ZNF451: variants seen among roughly 807,000 people sequenced by gnomAD.
ZNF451 encodes the protein zinc finger protein 451.
A neutral mutation model predicts 107.1 loss-of-function variants in ZNF451; 80 were observed. The observed-to-expected ratio is 0.75, with a 90% confidence interval of 0.62 to 0.90. The LOEUF (loss-of-function observed/expected upper bound fraction) is 0.90. Among genes scored for constraint, ZNF451 ranks in the 40% least tolerant of loss-of-function variants. The pLI is 0.00. For missense variants in ZNF451, 1,107 were observed against 1,236.2 expected, an observed-to-expected ratio of 0.90 and a Z score of 1.57; for synonymous variants, 362 against 406.5, an observed-to-expected ratio of 0.89 and a Z score of 1.32.
intron 2 of ZNF451, among the ~76,000 whole-genome samples, chr6:57,098,472 A>G (rs1351249996): frequency 6.6e-6 from 1 of 150,466 alleles, no homozygotes; most frequent in Non-Finnish European, 1.5e-5. Flanking sequence ...TGCTCTCCAT[A>G]CTCCTCTATG....
chr6:57,105,636 G>A (rs1829817223), intron 3 of ZNF451: 1 of 985,216 alleles, frequency 1.0e-6, no homozygotes, highest in Middle Eastern at 5.2e-4. Flanking sequence ...GTTCCTTTTT[G>A]TTATTAGTGA....
intron 3 of ZNF451, chr6:57,108,552 A>G: frequency 1.0e-6 from 1 of 985,286 alleles, no homozygotes; most frequent in Non-Finnish European, 1.2e-6. Flanking sequence ...ACATCTAACT[A>G]CTGTTAGGTA....
At chr6:57,156,849 G>A (rs1025930426) in intron 13 of ZNF451, among the ~76,000 whole-genome samples, 22 of 152,110 alleles carry the variant, frequency 1.4e-4, no homozygotes, top group Admixed American at 4.6e-4. Context: ...CATAAGGAGC[G>A]TACAACCTAG....
At chr6:57,157,488 A>G (rs745584599) in intron 13 of ZNF451, among the ~76,000 whole-genome samples, 22 of 152,272 alleles carry the variant, frequency 1.4e-4, no homozygotes, top group South Asian at 1.2e-3. Context: ...TTACTGGTAC[A>G]TTTTTAGGTC....
At chr6:57,167,988 TATA>T (rs1044993400) in intron 14 of ZNF451, among the ~76,000 whole-genome samples, 12 of 152,204 alleles carry the variant, frequency 7.9e-5, no homozygotes, top group African/African-American at 2.7e-4. Context: ...TTTATTGAGG[TATA>T]ATTAAAAATT....
chr6:57,166,273 C>T (rs1763892806), intron 14 of ZNF451, among the ~76,000 whole-genome samples: 1 of 152,216 alleles, frequency 6.6e-6, no homozygotes, highest in African/African-American at 2.4e-5. Context: ...GGTGATCCGC[C>T]CACCTTGGCC....
chr6:57,106,737 C>G, intron 3 of ZNF451: 3 of 983,220 alleles, frequency 3.1e-6, no homozygotes, highest in Non-Finnish European at 3.6e-6. Flanking sequence ...AATTGATTGT[C>G]TCATCTGTAT....
Position 57,128,842 on chromosome 6 carries a change from T to C in ZNF451, c.424+2T>C. 1 of 1,604,500 alleles carries C rather than the reference T, an allele frequency of 6.2e-7. No individual in the cohort carries two copies. Among genetic ancestry groups the C allele is most frequent in the Non-Finnish European group, 8.5e-7 (1 of 1,175,234 alleles). On this transcript the variant is annotated splice_donor_variant, in intron 5 of 14. Coordinates refer to ENST00000370706, the MANE Select transcript of ZNF451 (RefSeq NM_001031623.3). LOFTEE classifies it high-confidence loss of function. ...TGGACCAGTGGCTAAAAATGCCAGG[T>C]ATTCTTTAGAAATTACACTAAGGTT...
intron 10 of ZNF451, 24 bp from the exon 11 acceptor site, chr6:57,150,695 A>T: frequency 6.3e-7 from 1 of 1,578,802 alleles, no homozygotes. Flanking sequence ...TACTGAACTC[A>T]TGTTGATATT....
chr6:57,141,224 G>A, intron 7 of ZNF451, 78 bp from the exon 8 acceptor site: 1 of 1,244,744 alleles, frequency 8.0e-7, no homozygotes, highest in South Asian at 2.4e-5. Context: ...ACAACAAATA[G>A]GAAATTTTGA....
chr6:57,109,015 C>A (rs45577633), intron 3 of ZNF451: 1 of 985,248 alleles, frequency 1.0e-6, no homozygotes, highest in Admixed American at 6.2e-5. Flanking sequence ...ATTTTACATA[C>A]ACAAATCTTT....
chr6:57,140,875 TC>T (rs1210334352), intron 7 of ZNF451, among the ~76,000 whole-genome samples: 2 of 152,180 alleles, frequency 1.3e-5, no homozygotes, highest in African/African-American at 2.4e-5. Flanking sequence ...CCCCCTTATT[TC>T]TATGTGTCTT....
rs980487413 is a variant in ZNF451 at position 57,168,751 on chromosome 6, T to A, written c.*282T>A. 1 of 291,596 alleles carries A rather than the reference T, an allele frequency of 3.4e-6. No homozygotes were observed. Among genetic ancestry groups the A allele is most frequent in the African/African-American group, 2.2e-5 (1 of 44,778 alleles). 18.1% of individuals were successfully genotyped at this position (291,596 alleles called of 1,614,324 possible). On this transcript the variant is annotated 3_prime_UTR_variant, in exon 15 of 15. Transcript: ENST00000370706. Reference sequence around the variant, plus strand: ...TAACTTTGAATTTATATATTTAGATTTAAAGGATTAAAAAAAAGGAAAGCT... The same window carrying A: ...TAACTTTGAATTTATATATTTAGATATAAAGGATTAAAAAAAAGGAAAGCT...
intron 3 of ZNF451, chr6:57,104,771 AATAAGTAAAAGT>A: frequency 1.0e-6 from 1 of 985,344 alleles, no homozygotes. Flanking sequence ...GTTGCCCAGT[AATAAGTAAAAGT>A]ATCCTTTCTT....
chr6:57,126,585 T>C (rs1296488655), intron 4 of ZNF451: 1 of 152,118 alleles, frequency 6.6e-6, no homozygotes, highest in Non-Finnish European at 1.5e-5. Flanking sequence ...CTTACTTTTG[T>C]GCTGGAGAGG....
At chr6:57,134,940 C>A (rs544099054) in intron 7 of ZNF451, 70 bp downstream of exon 7, 2 of 1,349,962 alleles carry the variant, frequency 1.5e-6, no homozygotes, top group Non-Finnish European at 1.0e-6. Context: ...AGGTTTTTTC[C>A]TGCTGTTCTT....
Position 57,148,320 on chromosome 6 carries a change from G to A in ZNF451, c.2235G>A (p.Met745Ile). 1 of 1,614,036 alleles carries A rather than the reference G, an allele frequency of 6.2e-7. No individual in the cohort carries two copies. The highest frequency in any genetic ancestry group is 8.5e-7 in the Non-Finnish European group (1 of 1,179,962). ...ATTATAGCAGATGTCTCCAAATCATGCTGGATAAAGGAAAACTGTGGTTTC... is the reference window on the plus strand; with the variant it reads ...ATTATAGCAGATGTCTCCAAATCATACTGGATAAAGGAAAACTGTGGTTTC... Reference protein sequence around the residue: ...KEDYSRCLQIMLDKGKLWFRC... With the variant: ...KEDYSRCLQIILDKGKLWFRC... The change falls in exon 10 of 15, where the codon ATG (methionine) becomes ATA (isoleucine). Residue 745 changes from methionine to isoleucine, a missense_variant. Transcript: ENST00000370706.
At chr6:57,121,202 T>TAA (rs1356022555) in intron 3 of ZNF451, among the ~76,000 whole-genome samples, 1 of 152,172 alleles carries the variant, frequency 6.6e-6, no homozygotes, top group Non-Finnish European at 1.5e-5. Flanking sequence ...TTTATTTATG[T>TAA]GGGTCTATTT....
chr6:57,161,568 C>T (rs1201877493), intron 14 of ZNF451, among the ~76,000 whole-genome samples: 1 of 146,538 alleles, frequency 6.8e-6, no homozygotes, highest in African/African-American at 2.5e-5. Context: ...ATTTTGATTT[C>T]CTAATTGTTA....
Sources: gnomAD v4.1 joint callset for allele counts (sites outside exome capture counted in the v4.1 genomes callset) on GRCh38, gnomAD v4.1.1 for gene constraint, MANE v1.5 for transcripts, NCBI Gene and HGNC (gene_info 2026-07-23, HGNC 2026-07-21) for gene names.